The following GNAO1 variants were observed in gnomAD, a reference collection of about 807,000 sequenced individuals.
GNAO1 encodes the protein guanine nucleotide-binding protein G(o) subunit alpha.
For synonymous variants in GNAO1, 164 were observed against 180.7 expected, an observed-to-expected ratio of 0.91 and a Z score of 0.74; for missense variants, 166 against 478.7, an observed-to-expected ratio of 0.35 and a Z score of 6.10.
chr16:56,213,087 C>T (rs1466705623), intron 2 of GNAO1, among the ~76,000 whole-genome samples: 2 of 152,194 alleles, frequency 1.3e-5, no homozygotes, highest in Non-Finnish European at 2.9e-5. Flanking sequence ...CTAAGCCAGG[C>T]CAGACCCAGT....
At chr16:56,305,601 C>G (rs1027038386) in intron 3 of GNAO1, among the ~76,000 whole-genome samples, 1 of 152,102 alleles carries the variant, frequency 6.6e-6, no homozygotes, top group Non-Finnish European at 1.5e-5. Context: ...AGGGGAGGAA[C>G]GACCTTGACC....
At chr16:56,239,399 A>C (rs2036672579) in intron 2 of GNAO1, among the ~76,000 whole-genome samples, 1 of 152,262 alleles carries the variant, frequency 6.6e-6, no homozygotes, top group African/African-American at 2.4e-5. Flanking sequence ...CTTTAATAAA[A>C]GGCCACTTGG....
intron 6 of GNAO1, among the ~76,000 whole-genome samples, chr16:56,349,645 T>C (rs2037903593): frequency 6.6e-6 from 1 of 152,228 alleles, no homozygotes; most frequent in Non-Finnish European, 1.5e-5. Context: ...ATGAGTTTAC[T>C]GAATCTGTTT....
At chr16:56,306,336 A>G (rs1214840811) in intron 3 of GNAO1, among the ~76,000 whole-genome samples, 8 of 152,200 alleles carry the variant, frequency 5.3e-5, no homozygotes, top group African/African-American at 1.9e-4. Context: ...CGGAATCTGC[A>G]GAGTTTAGGC....
chr16:56,204,733 A>G lies in GNAO1; in HGVS notation c.161+12117A>G, dbSNP rs958578746. 5.3e-5 allele frequency among the ~76,000 whole-genome samples: 8 copies of G among 152,296 alleles called. No individual in the cohort carries two copies. The East Asian group carries it at 9.7e-4, about 18-fold the overall frequency. The stretch of plus-strand genomic sequence containing the variant: ...GTTTCAGTGGAGGGAGAGGGATAAA[A>G]GCCAAACTCAAAAAATTTTTATGGT... On this transcript the variant is annotated intron_variant, in intron 2 of 8. Coordinates refer to ENST00000262493, the MANE Select transcript of GNAO1 (RefSeq NM_020988.3).
chr16:56,237,250 G>T (rs2036646467), intron 2 of GNAO1, among the ~76,000 whole-genome samples: 1 of 152,140 alleles, frequency 6.6e-6, no homozygotes, highest in Non-Finnish European at 1.5e-5. Flanking sequence ...ACATTAGCTG[G>T]TGGGGTTTAT....
intron 2 of GNAO1, among the ~76,000 whole-genome samples, chr16:56,209,518 G>A (rs1320547466): frequency 6.6e-6 from 1 of 152,082 alleles, no homozygotes; most frequent in Non-Finnish European, 1.5e-5. Context: ...TAGGATATTA[G>A]GATCTGTTGA....
In GNAO1 at chr16:56,351,884, T is replaced by C. The variant is rs1244207689; in HGVS notation, c.877+347T>C. 1 of 236,076 alleles carries C rather than the reference T, an allele frequency of 4.2e-6. No individual in the cohort carries two copies. The highest frequency in any genetic ancestry group is 8.3e-6 in the Non-Finnish European group (1 of 120,666). The allele number at this position is 236,076 out of a possible 1,614,324, so 14.6% of individuals were successfully genotyped here. ...GGACAGCCTCCTGTAATCTCAGCAG[T>C]GGCCTCCCCTCACCCCTGCCCAGAG... On this transcript the variant is annotated intron_variant, in intron 7 of 8. Coordinates refer to ENST00000262493, the MANE Select transcript of GNAO1 (RefSeq NM_020988.3). The surrounding 1 kb of genome is among the most constrained non-coding windows in gnomAD (Gnocchi z 6.1).
intron 3 of GNAO1, among the ~76,000 whole-genome samples, chr16:56,288,983 C>G (rs1405259813): frequency 6.6e-6 from 1 of 151,244 alleles, no homozygotes; most frequent in East Asian, 2.0e-4. Context: ...AACTTAATTG[C>G]TAAGTTTAGG....
chr16:56,340,612 GGCCCTGCTCCGCCCCGCCCT>G, intron 6 of GNAO1: 1 of 512,954 alleles, frequency 1.9e-6, no homozygotes, highest in South Asian at 2.6e-5. Flanking sequence ...AACCCTGCCC[GGCCCTGCTCCGCCCCGCCCT>G]GCCTGCGTGT....
In GNAO1 at chr16:56,311,258, G is replaced by A. The variant is rs755060600; in HGVS notation, c.304-17373G>A. The stretch of plus-strand genomic sequence containing the variant: ...AAAGCAAGAAATGCCTTGGAGGGGA[G>A]TGGAACCTGAGCCCAGGTGGCATTT... On this transcript the variant is annotated intron_variant, in intron 3 of 8. Coordinates refer to ENST00000262493, the MANE Select transcript of GNAO1 (RefSeq NM_020988.3). This position sits in a 1 kb window ranked among gnomAD's most constrained non-coding sequence, Gnocchi z 5.2. 6.6e-6 allele frequency among the ~76,000 whole-genome samples: 1 copy of A among 152,094 alleles called. No individual in the cohort carries two copies. Among genetic ancestry groups the A allele is most frequent in the Non-Finnish European group, 1.5e-5 (1 of 68,016 alleles).
At chr16:56,264,767 AT>A (rs2036935621) in intron 2 of GNAO1, among the ~76,000 whole-genome samples, 2 of 148,578 alleles carry the variant, frequency 1.3e-5, no homozygotes, top group African/African-American at 4.9e-5. Context: ...TTAATATAGT[AT>A]TATTACTAAT....
intron 2 of GNAO1, among the ~76,000 whole-genome samples, chr16:56,205,824 A>G (rs1177580776): frequency 6.6e-6 from 1 of 152,214 alleles, no homozygotes; most frequent in Non-Finnish European, 1.5e-5. Flanking sequence ...AGGTCATTTC[A>G]TATAGTCATG....
intron 2 of GNAO1, among the ~76,000 whole-genome samples, chr16:56,228,459 T>A (rs1196024936): frequency 1.3e-5 from 2 of 150,916 alleles, no homozygotes; most frequent in Admixed American, 6.6e-5. Context: ...ACATATATAT[T>A]TATTTATTTA....
chr16:56,347,895 C>A (rs946325592), intron 6 of GNAO1: 2 of 959,834 alleles, frequency 2.1e-6, no homozygotes, highest in Non-Finnish European at 2.5e-6. Flanking sequence ...GACCCATCCC[C>A]TGGCTCTGCC....
intron 2 of GNAO1, among the ~76,000 whole-genome samples, chr16:56,269,214 T>G (rs912491403): frequency 1.3e-5 from 2 of 152,188 alleles, no homozygotes; most frequent in Non-Finnish European, 2.9e-5. Flanking sequence ...AATGAGCAGA[T>G]TCTCTGCTTT....
At chr16:56,209,297 T>A (rs2036362270) in intron 2 of GNAO1, among the ~76,000 whole-genome samples, 1 of 152,238 alleles carries the variant, frequency 6.6e-6, no homozygotes, top group Non-Finnish European at 1.5e-5. Flanking sequence ...GACCTGTTTC[T>A]TAGCTCATAT....
At chr16:56,275,367 G>T (rs759194182) in intron 2 of GNAO1, among the ~76,000 whole-genome samples, 1 of 152,204 alleles carries the variant, frequency 6.6e-6, no homozygotes, top group Non-Finnish European at 1.5e-5. Context: ...AACGAGGGTG[G>T]TATGTGGTTA....
At chr16:56,248,848 A>C (rs909295752) in intron 2 of GNAO1, among the ~76,000 whole-genome samples, 3 of 152,244 alleles carry the variant, frequency 2.0e-5, no homozygotes, top group East Asian at 1.9e-4. Context: ...TAGAGGCTGC[A>C]GAAGGACTTG....
Sources: allele counts gnomAD v4.1 joint callset (sites outside exome capture counted in the v4.1 genomes callset), GRCh38; gene constraint gnomAD v4.1.1; non-coding constraint Gnocchi (gnomAD v3.1); transcripts MANE v1.5; gene names NCBI Gene and HGNC (gene_info 2026-07-23, HGNC 2026-07-21).